Variants in PXYLP1 observed in about 807,000 individuals in gnomAD.
The protein encoded by PXYLP1 is acid phosphatase-like 2.
Under a neutral mutation model 37.9 loss-of-function variants are expected in PXYLP1, and 17 were observed. The observed-to-expected ratio is 0.45, with a 90% confidence interval of 0.31 to 0.67. The LOEUF (loss-of-function observed/expected upper bound fraction) is 0.67. PXYLP1 is among the 30% of genes least tolerant of loss of function. The pLI is 0.07. For missense variants in PXYLP1, 511 were observed against 612.0 expected, an observed-to-expected ratio of 0.84 and a Z score of 1.74; for synonymous variants, 221 against 232.2, an observed-to-expected ratio of 0.95 and a Z score of 0.44.
In PXYLP1 at chr3:141,260,131, C is replaced by G; in HGVS notation, c.-45C>G. On this transcript the variant is annotated 5_prime_UTR_variant, in exon 2 of 6. Transcript: ENST00000286353. ...CTCTGCTTTATTCACAGGACATGTT[C>G]CCGATTTGAGGTGAAACCATGAAGA... The G allele has an allele frequency of 6.2e-7, 1 of 1,607,902 alleles. No individual in the cohort carries two copies. The highest frequency in any genetic ancestry group is 8.5e-7 in the Non-Finnish European group (1 of 1,174,938).
intron 2 of PXYLP1, among the ~76,000 whole-genome samples, chr3:141,265,685 C>G (rs954584213): frequency 6.6e-6 from 1 of 152,092 alleles, no homozygotes; most frequent in African/African-American, 2.4e-5. Flanking sequence ...ACCATGGCAC[C>G]CAGGAGTCTG....
Position 141,278,520 on chromosome 3 carries a change from C to G in PXYLP1, c.238+20C>G. 1.2e-6 allele frequency: 2 copies of G among 1,613,540 alleles called. No individual in the cohort carries two copies. Among genetic ancestry groups the G allele is most frequent in the Middle Eastern group, 1.7e-4 (1 of 6,058 alleles). ...TGGAAGGTAGGCCTGACTGTGCCACCAGGACAGATACCCCTTTGGGGACTA... is the reference window on the plus strand; with the variant it reads ...TGGAAGGTAGGCCTGACTGTGCCACGAGGACAGATACCCCTTTGGGGACTA... On this transcript the variant is annotated intron_variant, in intron 3 of 5. Coordinates refer to ENST00000286353, the MANE Select transcript of PXYLP1 (RefSeq NM_001037172.3).
chr3:141,253,243 G>C (rs1272421778), intron 1 of PXYLP1, among the ~76,000 whole-genome samples: 1 of 152,198 alleles, frequency 6.6e-6, no homozygotes, highest in Admixed American at 6.5e-5. Flanking sequence ...GGCCTGGGTA[G>C]AGGGCTGTGG....
rs1194926062 is a variant in PXYLP1 at position 141,285,527 on chromosome 3, A to AAC, written c.366-1786_366-1785insCA. Among the ~76,000 whole-genome samples the AAC allele has an allele frequency of 1.4e-3, 209 of 151,752 alleles. 1 individual carries two copies. The highest frequency in any genetic ancestry group is 2.4e-3 in the Non-Finnish European group (161 of 67,690). ...ACAAACAACACAACAACAACAACAA[A>AAC]AAAAAACAAAAATAAAAAACATTGG... On this transcript the variant is annotated intron_variant, in intron 4 of 5. Coordinates refer to ENST00000286353, the MANE Select transcript of PXYLP1 (RefSeq NM_001037172.3).
At chr3:141,240,260 G>A (rs955947313) in intron 1 of PXYLP1, among the ~76,000 whole-genome samples, 8 of 152,204 alleles carry the variant, frequency 5.3e-5, no homozygotes, top group African/African-American at 1.7e-4. Flanking sequence ...TGAGTGTGTA[G>A]TGGGGCACAC....
chr3:141,289,704 C>T (rs1942158148), intron 5 of PXYLP1, among the ~76,000 whole-genome samples: 1 of 152,196 alleles, frequency 6.6e-6, no homozygotes, highest in Admixed American at 6.5e-5. Context: ...AACAAAATTA[C>T]AGTCCCAGCC....
chr3:141,246,889 A>T (rs530010698), intron 1 of PXYLP1, among the ~76,000 whole-genome samples: 1 of 152,342 alleles, frequency 6.6e-6, no homozygotes, highest in East Asian at 1.9e-4. Flanking sequence ...TTATTCAGGC[A>T]ATAACTGGTC....
At chr3:141,268,826 G>C (rs1442539147) in intron 2 of PXYLP1, among the ~76,000 whole-genome samples, 1 of 152,214 alleles carries the variant, frequency 6.6e-6, no homozygotes, top group Admixed American at 6.5e-5. Context: ...TCAGGGGTGG[G>C]CTCAGGTGGG....
At chr3:141,291,272 G>A (rs761233329) in intron 5 of PXYLP1, among the ~76,000 whole-genome samples, 16 of 151,706 alleles carry the variant, frequency 1.1e-4, no homozygotes, top group Admixed American at 2.0e-4. Context: ...ATTGTGTCCC[G>A]TTACCTCCTA....
chr3:141,281,209 G>A (rs1167697021), intron 4 of PXYLP1, among the ~76,000 whole-genome samples: 2 of 152,204 alleles, frequency 1.3e-5, no homozygotes, highest in Non-Finnish European at 2.9e-5. Context: ...GGTACCAGAA[G>A]GCAGTACACA....
rs1406523712 is a variant in PXYLP1, at chr3:141,278,534, C to G, written c.238+34C>G. On this transcript the variant is annotated intron_variant, in intron 3 of 5. Coordinates refer to ENST00000286353, the MANE Select transcript of PXYLP1 (RefSeq NM_001037172.3). ...GACTGTGCCACCAGGACAGATACCCCTTTGGGGACTAGTTATTCCAGCAGC... is the reference window on the plus strand; with the variant it reads ...GACTGTGCCACCAGGACAGATACCCGTTTGGGGACTAGTTATTCCAGCAGC... 3.1e-6 allele frequency: 5 copies of G among 1,610,188 alleles called. No individual in the cohort carries two copies. In the African/African-American group the frequency reaches 6.7e-5, roughly 21 times the overall value.
chr3:141,241,324 C>T (rs905017804), intron 1 of PXYLP1, among the ~76,000 whole-genome samples: 35 of 147,260 alleles, frequency 2.4e-4, no homozygotes, highest in African/African-American at 8.1e-4. Flanking sequence ...CACCCTCCCT[C>T]CCTTCCCCTA....
intron 4 of PXYLP1, among the ~76,000 whole-genome samples, chr3:141,285,540 TA>T (rs1942056800): frequency 6.6e-6 from 1 of 151,538 alleles, no homozygotes. Flanking sequence ...AAAACAAAAA[TA>T]AAAAACATTG....
At chr3:141,257,608 T>C (rs1941290034) in intron 1 of PXYLP1, among the ~76,000 whole-genome samples, 1 of 152,172 alleles carries the variant, frequency 6.6e-6, no homozygotes, top group African/African-American at 2.4e-5. Flanking sequence ...CTGTGGCTAA[T>C]CCCTTATGAA....
At chr3:141,245,738 C>T (rs1940920137) in intron 1 of PXYLP1, among the ~76,000 whole-genome samples, 1 of 152,220 alleles carries the variant, frequency 6.6e-6, no homozygotes, top group Non-Finnish European at 1.5e-5. Context: ...TAGATATTTG[C>T]TCACGGGCTC....
chr3:141,257,057 C>A (rs748014525), intron 1 of PXYLP1, among the ~76,000 whole-genome samples: 4 of 152,200 alleles, frequency 2.6e-5, no homozygotes, highest in Non-Finnish European at 5.9e-5. Context: ...AAAAGCACTC[C>A]GCATATTAAA....
At chr3:141,236,792 A>G (rs561857942) in intron 1 of PXYLP1, among the ~76,000 whole-genome samples, 3 of 152,362 alleles carry the variant, frequency 2.0e-5, no homozygotes, top group African/African-American at 7.2e-5. Context: ...GTAAAGTTGT[A>G]GAACAAATTT....
chr3:141,270,448 T>G lies in PXYLP1; in HGVS notation c.80-7894T>G, dbSNP rs1424658882. Among the ~76,000 whole-genome samples the G allele has an allele frequency of 2.0e-5, 3 of 152,220 alleles. No individual in the cohort carries two copies. In the East Asian group the frequency reaches 5.8e-4, roughly 29 times the overall value. ...TCTGGTTTTCATTTGACAGTTACAG[T>G]GCACTTTTAAAATTCAGTACAGGTT... On this transcript the variant is annotated intron_variant, in intron 2 of 5. Coordinates refer to ENST00000286353, the MANE Select transcript of PXYLP1 (RefSeq NM_001037172.3).
chr3:141,287,726 T>C (rs1942108907), intron 5 of PXYLP1, among the ~76,000 whole-genome samples: 1 of 152,214 alleles, frequency 6.6e-6, no homozygotes, highest in Admixed American at 6.5e-5. Flanking sequence ...GCAACCGTAA[T>C]TCCACCACAG....
Sources: gnomAD v4.1 joint callset for allele counts (sites outside exome capture counted in the v4.1 genomes callset) on GRCh38, gnomAD v4.1.1 for gene constraint, MANE v1.5 for transcripts, NCBI Gene and HGNC (gene_info 2026-07-23, HGNC 2026-07-21) for gene names.